Variants in SOX6 observed in about 807,000 individuals in gnomAD.
SOX6 encodes transcription factor SOX-6.
In SOX6, 11 loss-of-function variants were observed where a neutral mutation model predicts 97.8. The observed-to-expected ratio is 0.11, with a 90% CI of 0.07 to 0.19. The LOEUF is 0.19. Ranked by LOEUF, SOX6 falls within the 10% of genes least tolerant of loss-of-function variation. SOX6 has a pLI of 1.00. For missense variants in SOX6, 810 were observed against 1,039.5 expected, an observed-to-expected ratio of 0.78 and a Z score of 3.04; for synonymous variants, 360 against 371.4, an observed-to-expected ratio of 0.97 and a Z score of 0.35.
chr11:16,672,378 T>C (rs557069619), intron 3 of SOX6, among the ~76,000 whole-genome samples: 14 of 152,308 alleles, frequency 9.2e-5, no homozygotes, highest in African/African-American at 3.4e-4. Context: ...CACAAAACTG[T>C]ATTAGTCCAT....
intron 6 of SOX6, among the ~76,000 whole-genome samples, chr11:16,166,086 A>C (rs1199721648): frequency 2.0e-5 from 3 of 152,124 alleles, no homozygotes; most frequent in Admixed American, 2.0e-4. Flanking sequence ...CTGTAGTATA[A>C]ATGTATACAG....
intron 1 of SOX6, among the ~76,000 whole-genome samples, chr11:16,464,351 C>A (rs1305938754): frequency 1.3e-5 from 2 of 151,574 alleles, no homozygotes; most frequent in Non-Finnish European, 2.9e-5. Context: ...AGTTCTTAAT[C>A]AAAAAGGTGA....
chr11:16,246,323 T>C (rs1853333805), intron 3 of SOX6, among the ~76,000 whole-genome samples: 1 of 151,800 alleles, frequency 6.6e-6, no homozygotes, highest in Non-Finnish European at 1.5e-5. Flanking sequence ...TATATTTGCC[T>C]CCAGAGTAAC....
At chr11:16,064,043 A>G (rs1168664070) in intron 9 of SOX6, among the ~76,000 whole-genome samples, 1 of 151,668 alleles carries the variant, frequency 6.6e-6, no homozygotes, top group African/African-American at 2.4e-5. Flanking sequence ...ACTCTCTAAA[A>G]TGGCATTTCA....
chr11:16,513,959 C>T (rs1860920260), intron 4 of SOX6, among the ~76,000 whole-genome samples: 1 of 151,740 alleles, frequency 6.6e-6, no homozygotes, highest in Non-Finnish European at 1.5e-5. Context: ...ACCTGTAATC[C>T]CAGCACTTTG....
chr11:16,425,814 A>C (rs1443501663), intron 1 of SOX6, among the ~76,000 whole-genome samples: 1 of 152,190 alleles, frequency 6.6e-6, no homozygotes, highest in Non-Finnish European at 1.5e-5. Context: ...GAAATCAGAG[A>C]TGACACATAT....
intron 12 of SOX6, among the ~76,000 whole-genome samples, chr11:16,029,221 T>C (rs1220036120): frequency 6.6e-6 from 1 of 152,188 alleles, no homozygotes; most frequent in Non-Finnish European, 1.5e-5. Flanking sequence ...ATGGGCTCAA[T>C]AAACAAGCAC....
At chr11:16,197,374 C>T (rs546160000) in intron 4 of SOX6, among the ~76,000 whole-genome samples, 1 of 152,108 alleles carries the variant, frequency 6.6e-6, no homozygotes, top group Non-Finnish European at 1.5e-5. Context: ...TGAAACTGAC[C>T]GACAAGGGAG....
At chr11:16,543,559 T>C (rs1347020305) in intron 4 of SOX6, among the ~76,000 whole-genome samples, 1 of 152,144 alleles carries the variant, frequency 6.6e-6, no homozygotes, top group Non-Finnish European at 1.5e-5. Flanking sequence ...AAGTAGGGCC[T>C]ACTACCTATA....
chr11:16,172,965 G>A (rs1851078312), intron 6 of SOX6, among the ~76,000 whole-genome samples: 1 of 151,922 alleles, frequency 6.6e-6, no homozygotes, highest in South Asian at 2.1e-4. Context: ...TCTGCTGAGA[G>A]TAGATCAGTT....
chr11:16,467,881 A>C (rs1459298581), intron 1 of SOX6, among the ~76,000 whole-genome samples: 1 of 152,208 alleles, frequency 6.6e-6, no homozygotes, highest in Non-Finnish European at 1.5e-5. Context: ...ATTTATTGAC[A>C]CTTCTTCACT....
intron 1 of SOX6, among the ~76,000 whole-genome samples, chr11:16,454,382 A>G (rs541926029): frequency 6.6e-6 from 1 of 152,204 alleles, no homozygotes; most frequent in South Asian, 2.1e-4. Context: ...CAAAAAAGTC[A>G]TAACTTTCCA....
intron 4 of SOX6, among the ~76,000 whole-genome samples, chr11:16,541,808 G>C (rs1861413469): frequency 6.6e-6 from 1 of 152,140 alleles, no homozygotes; most frequent in Admixed American, 6.5e-5. Context: ...AAAAAGTCAG[G>C]AAACAACAGA....
chr11:16,204,455 A>G (rs1590025735), intron 4 of SOX6, among the ~76,000 whole-genome samples: 1 of 152,226 alleles, frequency 6.6e-6, no homozygotes, highest in South Asian at 2.1e-4. Context: ...TGGTATGTGT[A>G]TATCTATACA....
chr11:16,605,776 C>G lies in SOX6; in HGVS notation n.609+6305G>C, dbSNP rs1398052737. On this transcript the variant is annotated intron_variant and non_coding_transcript_variant, in intron 4 of 5. Coordinates refer to the SOX6 transcript ENST00000524520. This position sits in a 1 kb window ranked among gnomAD's most constrained non-coding sequence, Gnocchi z 5.3. ...AAGAAGCCCAGAAGCTCAGCGGGTCCTCCCGACCTCCCGCACCCAGAGCCT... is the reference window on the plus strand; with the variant it reads ...AAGAAGCCCAGAAGCTCAGCGGGTCGTCCCGACCTCCCGCACCCAGAGCCT... The G allele has an allele frequency of 6.6e-6, 1 of 152,240 alleles. No homozygotes were observed. Among genetic ancestry groups the G allele is most frequent in the Non-Finnish European group, 1.5e-5 (1 of 68,106 alleles). The allele number at this position is 152,240 out of a possible 1,614,324, so 9.4% of individuals were successfully genotyped here.
rs1854837070 is a variant in SOX6, at chr11:16,014,928, GA to G, written c.1732+13del. On this transcript the variant is annotated intron_variant, in intron 13 of 15. Transcript: ENST00000683767. ...CATGGAGCAGCAGAAAAGAACTAGA[GA>G]AAAGCCACTCACCCTCTGCATCTTC... The G allele has an allele frequency of 6.2e-7, 1 of 1,609,168 alleles. No homozygotes were observed. Among genetic ancestry groups the G allele is most frequent in the Non-Finnish European group, 8.5e-7 (1 of 1,176,184 alleles).
intron 12 of SOX6, among the ~76,000 whole-genome samples, chr11:16,016,107 GT>G (rs1212740005): frequency 6.6e-6 from 1 of 152,006 alleles, no homozygotes; most frequent in African/African-American, 2.4e-5. Flanking sequence ...CACTCTGAGT[GT>G]TCTCTTCTGT....
chr11:16,733,069 A>G (rs1418136925), intron 2 of SOX6, among the ~76,000 whole-genome samples: 2 of 152,254 alleles, frequency 1.3e-5, no homozygotes, highest in African/African-American at 4.8e-5. Flanking sequence ...TTAAAAAGTC[A>G]AGAAACAACA....
At chr11:16,234,457 C>T (rs1852954585) in intron 4 of SOX6, 125 bp downstream of exon 4, 1 of 635,220 alleles carries the variant, frequency 1.6e-6, no homozygotes, top group Non-Finnish European at 2.8e-6. Context: ...TATTCACCCT[C>T]TCATGTACAA....
Sources: gnomAD v4.1 joint callset for allele counts (sites outside exome capture counted in the v4.1 genomes callset) on GRCh38, gnomAD v4.1.1 for gene constraint, Gnocchi (gnomAD v3.1) non-coding constraint, MANE v1.5 for transcripts, NCBI Gene and HGNC (gene_info 2026-07-23, HGNC 2026-07-21) for gene names.